Variants in TBC1D32 observed in about 807,000 individuals in gnomAD.
The protein encoded by TBC1D32 is TBC1 domain family member 32.
TBC1D32 carries 151 observed loss-of-function variants against 170.3 expected under a neutral mutation model. The ratio of observed to expected loss-of-function variants is 0.89; its 90% CI spans 0.78 to 1.01. The LOEUF (loss-of-function observed/expected upper bound fraction) is 1.01, where lower values mean the gene tolerates loss of function less well. TBC1D32 is among the 50% of genes least tolerant of loss of function. The pLI is 0.00. For synonymous variants in TBC1D32, 498 were observed against 488.0 expected (o/e 1.02, Z -0.27); for missense variants, 1,464 against 1,457.1 (o/e 1.00, Z -0.08).
intron 22 of TBC1D32, among the ~76,000 whole-genome samples, chr6:121,201,144 C>T (rs1198836074): frequency 1.3e-5 from 2 of 151,484 alleles, no homozygotes; most frequent in African/African-American, 4.9e-5. Flanking sequence ...ATCTGATTCA[C>T]TCATCATTGC....
chr6:121,101,196 C>G (rs1293030416), intron 30 of TBC1D32, among the ~76,000 whole-genome samples: 3 of 151,984 alleles, frequency 2.0e-5, no homozygotes, highest in Non-Finnish European at 4.4e-5. Context: ...GAAACTATTC[C>G]AATTAATAGA....
intron 8 of TBC1D32, among the ~76,000 whole-genome samples, 199 bp from the exon 9 acceptor site, chr6:121,303,960 T>C (rs2128478907): frequency 6.6e-6 from 1 of 152,226 alleles, no homozygotes; most frequent in Middle Eastern, 3.4e-3. Flanking sequence ...TGAATTTAAC[T>C]TTCCTTTTCA....
chr6:121,223,368 ACAGT>A lies in TBC1D32; in HGVS notation c.2365-20_2365-17del. On this transcript the variant is annotated splice_polypyrimidine_tract_variant and intron_variant, in intron 20 of 31. Transcript: ENST00000398212. ...CTAAAAAAGACTAGAGGGAAAGAAA[ACAGT>A]CATTTAAATGATTCACTTTTGTCAA... is the stretch of plus-strand genomic sequence containing the variant. 6.6e-7 allele frequency: 1 copy of A among 1,504,200 alleles called. No individual in the cohort carries two copies. Among genetic ancestry groups the A allele is most frequent in the Non-Finnish European group, 9.1e-7 (1 of 1,093,804 alleles). The allele number at this position is 1,504,200 out of a possible 1,614,324, so 93.2% of individuals were successfully genotyped here.
At chr6:121,301,949 A>G (rs1055021849) in intron 9 of TBC1D32, among the ~76,000 whole-genome samples, 4 of 152,118 alleles carry the variant, frequency 2.6e-5, no homozygotes, top group African/African-American at 7.2e-5. Flanking sequence ...ATTTTTAATT[A>G]AACATTCATT....
chr6:121,242,238 A>T lies in TBC1D32; in HGVS notation c.2120T>A (p.Val707Glu). ...LQRTGAINEC[V>E]TFIFNRYAKK... ...TGCATATCGATTGAATATAAATGTC[A>T]CACATTCATTGATAGCACCTGTTCT... The change falls in exon 18 of 32, where the codon GTG becomes GAG. Residue 707 changes from valine (V) to glutamate (E), a missense_variant. By Grantham distance (121) the Val-to-Glu change is moderately radical. This residue lies in a region of TBC1D32 where 1,363 missense variants were observed against 1,338.1 expected (regional missense o/e 1.02). Transcript: ENST00000398212. 1 of 1,612,502 alleles carries T rather than the reference A, an allele frequency of 6.2e-7. No homozygotes were observed.
chr6:121,135,318 C>A (rs1257061538), intron 24 of TBC1D32, among the ~76,000 whole-genome samples: 3 of 151,972 alleles, frequency 2.0e-5, no homozygotes, highest in Non-Finnish European at 4.4e-5. Context: ...TATTTATAAT[C>A]AGGAAAAAAA....
chr6:121,148,033 C>T (rs1394738680), intron 24 of TBC1D32, among the ~76,000 whole-genome samples: 3 of 149,970 alleles, frequency 2.0e-5, no homozygotes, highest in South Asian at 4.2e-4. Context: ...ATGTGCAGAA[C>T]GTGCAGGTTT....
intron 14 of TBC1D32, among the ~76,000 whole-genome samples, chr6:121,280,337 C>T (rs1486031901): frequency 1.3e-5 from 2 of 151,732 alleles, no homozygotes; most frequent in Non-Finnish European, 3.0e-5. Context: ...GCAATAAACA[C>T]GTATTATTCA....
At chr6:121,253,202 G>A (rs951185956) in intron 17 of TBC1D32, among the ~76,000 whole-genome samples, 7 of 152,066 alleles carry the variant, frequency 4.6e-5, no homozygotes, top group African/African-American at 1.7e-4. Flanking sequence ...ACTATGCAAT[G>A]TCTAACAAAG....
chr6:121,179,289 GTA>G (rs1788200611), intron 22 of TBC1D32, among the ~76,000 whole-genome samples: 1 of 149,180 alleles, frequency 6.7e-6, no homozygotes, highest in East Asian at 2.0e-4. Context: ...ATATATATAT[GTA>G]TAGTTTGTGT....
chr6:121,172,604 A>G (rs1787187364), intron 22 of TBC1D32, among the ~76,000 whole-genome samples: 1 of 152,168 alleles, frequency 6.6e-6, no homozygotes, highest in South Asian at 2.1e-4. Context: ...AGAATACAGA[A>G]TGGGTAGTAG....
At chr6:121,283,009 A>G (rs1416285559) in intron 13 of TBC1D32, among the ~76,000 whole-genome samples, 6 of 151,866 alleles carry the variant, frequency 4.0e-5, no homozygotes, top group Non-Finnish European at 5.9e-5. Flanking sequence ...AGCTTGTTAC[A>G]TGGATATACT....
In TBC1D32 at chr6:121,085,373, G is replaced by GTGTA. The variant is rs1776151388; in HGVS notation, c.3655-4484_3655-4483insTACA. ...TACATATATATACATATATATATGT[G>GTGTA]TATATATATATATATATTCTTCTTG... On this transcript the variant is annotated intron_variant, in intron 31 of 31. Transcript: ENST00000398212. 1.1e-4 allele frequency among the ~76,000 whole-genome samples: 12 copies of GTGTA among 108,078 alleles called. No homozygotes were observed. The Admixed American group carries it at 1.4e-3, about 13-fold the overall frequency. 70.9% of individuals were successfully genotyped at this position (108,078 alleles called of 152,430 possible).
intron 14 of TBC1D32, 109 bp from the exon 15 acceptor site, chr6:121,279,354 C>CA (rs1311852455): frequency 8.9e-6 from 11 of 1,241,016 alleles, no homozygotes; most frequent in African/African-American, 1.6e-5. Context: ...TATATTACAA[C>CA]AAAAAACAAG....
chr6:121,285,730 G>C (rs1803705569), intron 12 of TBC1D32, among the ~76,000 whole-genome samples: 2 of 152,130 alleles, frequency 1.3e-5, no homozygotes, highest in African/African-American at 4.8e-5. Flanking sequence ...TAACTGGGAG[G>C]CACCCCCCAG....
At chr6:121,282,625 T>C (rs1381057937) in intron 13 of TBC1D32, among the ~76,000 whole-genome samples, 5 of 151,726 alleles carry the variant, frequency 3.3e-5, no homozygotes, top group Non-Finnish European at 7.4e-5. Context: ...GGACAGATAT[T>C]ATTGATGAGC....
Position 121,223,248 on chromosome 6 carries a change from TGG to T in TBC1D32, c.2467_2468del (p.Pro823AsnfsTer5). ...NKTEYSLREV[P>X]TCVIDIIDRL... The stretch of plus-strand genomic sequence containing the variant: ...GAAAATGACTTACAATAACACATGT[TGG>T]GACTTCACGAAGAGAATATTCTGTT... On this transcript the variant is annotated frameshift_variant, in exon 21 of 32. Transcript: ENST00000398212. LOFTEE classifies it high-confidence loss of function. The T allele has an allele frequency of 1.9e-6, 3 of 1,556,124 alleles. No individual in the cohort carries two copies. The highest frequency in any genetic ancestry group is 2.6e-6 in the Non-Finnish European group (3 of 1,150,412).
intron 24 of TBC1D32, among the ~76,000 whole-genome samples, chr6:121,132,693 A>C (rs779030146): frequency 6.6e-5 from 10 of 151,988 alleles, no homozygotes; most frequent in African/African-American, 9.7e-5. Context: ...GAAGATAATG[A>C]ATAGAGCTAA....
chr6:121,253,895 C>T (rs1250231560), intron 17 of TBC1D32, among the ~76,000 whole-genome samples: 3 of 151,874 alleles, frequency 2.0e-5, no homozygotes, highest in Non-Finnish European at 4.4e-5. Context: ...GTATCTCACT[C>T]AAAGGAAAAG....
Sources: allele counts gnomAD v4.1 joint callset (sites outside exome capture counted in the v4.1 genomes callset), GRCh38; gene constraint gnomAD v4.1.1; regional missense constraint gnomAD v4.1.1; transcripts MANE v1.5; gene names NCBI Gene and HGNC (gene_info 2026-07-23, HGNC 2026-07-21).